ZDHHC14: variants seen among roughly 807,000 people sequenced by gnomAD.
The protein encoded by ZDHHC14 is zDHHC palmitoyltransferase 14, also known as palmitoyltransferase ZDHHC14.
ZDHHC14 carries 16 observed loss-of-function variants against 47.7 expected under a neutral mutation model. The observed-to-expected ratio is 0.34, with a 90% CI of 0.23 to 0.51. ZDHHC14 has a LOEUF of 0.51. ZDHHC14 is among the 20% of genes least tolerant of loss of function. ZDHHC14 has a pLI of 0.97. For missense variants in ZDHHC14, 515 were observed against 662.5 expected (o/e 0.78, Z 2.44); for synonymous variants, 293 against 278.9 (o/e 1.05, Z -0.50).
chr6:157,665,923 A>G (rs780258096), intron 8 of ZDHHC14, among the ~76,000 whole-genome samples: 4 of 152,218 alleles, frequency 2.6e-5, no homozygotes, highest in Admixed American at 6.5e-5. Flanking sequence ...CTGAACTCCT[A>G]TGAAATTTCA....
In ZDHHC14 at chr6:157,523,721, G is replaced by A. The variant is rs546978389; in HGVS notation, c.246-18864G>A. On this transcript the variant is annotated intron_variant, in intron 1 of 8. Coordinates refer to ENST00000359775, the MANE Select transcript of ZDHHC14 (RefSeq NM_024630.3). ...GACCAGTCTGGGCAACATAGACCTC[G>A]CTTATACAAAAAAAAAAAAAAGGAA... Among the ~76,000 whole-genome samples the A allele has an allele frequency of 1.4e-4, 21 of 148,302 alleles. No homozygotes were observed. The South Asian group carries it at 3.4e-3, about 24-fold the overall frequency.
intron 8 of ZDHHC14, among the ~76,000 whole-genome samples, chr6:157,658,571 G>A (rs1191451362): frequency 2.6e-5 from 4 of 152,280 alleles, no homozygotes; most frequent in South Asian, 4.1e-4. Context: ...GGGGCTATGC[G>A]CAGTCTGGCC....
rs1315636088 is a variant in ZDHHC14, at chr6:157,597,879, G to A, written c.565+4733G>A. ...TGGGTGCCACAAAGAACCTCCAGGCGCCCTCTGCAGGGACTCAGTGTCCAG... is the reference window on the plus strand; with the variant it reads ...TGGGTGCCACAAAGAACCTCCAGGCACCCTCTGCAGGGACTCAGTGTCCAG... On this transcript the variant is annotated intron_variant, in intron 3 of 8. Transcript: ENST00000359775. 2.6e-5 allele frequency among the ~76,000 whole-genome samples: 4 copies of A among 152,236 alleles called. No individual in the cohort carries two copies. The East Asian group carries it at 5.8e-4, about 22-fold the overall frequency.
At chr6:157,400,853 G>A (rs571849874) in intron 1 of ZDHHC14, among the ~76,000 whole-genome samples, 1 of 152,168 alleles carries the variant, frequency 6.6e-6, no homozygotes, top group African/African-American at 2.4e-5. Context: ...AGTGAGTGCC[G>A]GGCTCCCTGT....
At chr6:157,468,425 G>C (rs9347285) in intron 1 of ZDHHC14, among the ~76,000 whole-genome samples, 41,458 of 152,150 alleles carry the variant, frequency 0.27, 6,347 homozygotes, top group East Asian at 0.47. Flanking sequence ...CACAGCACAA[G>C]CCTTCCCCTT....
chr6:157,639,553 C>G (rs1363293665), intron 5 of ZDHHC14, among the ~76,000 whole-genome samples: 1 of 152,188 alleles, frequency 6.6e-6, no homozygotes, highest in Non-Finnish European at 1.5e-5. Context: ...TGATCCACCT[C>G]GGCCTCCCAA....
chr6:157,647,359 T>C lies in ZDHHC14; in HGVS notation c.956T>C (p.Ile319Thr). The change falls in exon 7 of 9, where the codon ATC becomes ACC. Residue 319 changes from isoleucine to threonine, a missense_variant. Ile to Thr is a moderately conservative substitution (Grantham distance 89, BLOSUM62 -1). Around this residue, in one of 4 missense-constraint regions of ZDHHC14, gnomAD observed 229 missense variants for 351.5 expected, o/e 0.65. Transcript: ENST00000359775. ...TGCTGTGTTGCCCTGTGTGGGCCCA[T>C]CTCACCAAGGTAAGACTCAGGACGC... ...TNCCVALCGPISPSLIDRRGY... is the reference protein window; with the variant it reads ...TNCCVALCGPTSPSLIDRRGY... 1 of 1,612,708 alleles carries C rather than the reference T, an allele frequency of 6.2e-7. No homozygotes were observed. Among genetic ancestry groups the C allele is most frequent in the Non-Finnish European group, 8.5e-7 (1 of 1,178,914 alleles).
intron 8 of ZDHHC14, among the ~76,000 whole-genome samples, chr6:157,660,888 A>G (rs1778317540): frequency 6.6e-6 from 1 of 152,250 alleles, no homozygotes; most frequent in African/African-American, 2.4e-5. Flanking sequence ...TCATTCAAGT[A>G]ATACATGGTC....
At chr6:157,507,896 G>A (rs538859237) in intron 1 of ZDHHC14, among the ~76,000 whole-genome samples, 1 of 152,304 alleles carries the variant, frequency 6.6e-6, no homozygotes, top group South Asian at 2.1e-4. Flanking sequence ...TCTTAAGGAA[G>A]CAATACCTTT....
chr6:157,474,111 C>T (rs1779422934), intron 1 of ZDHHC14, among the ~76,000 whole-genome samples: 1 of 151,946 alleles, frequency 6.6e-6, no homozygotes, highest in African/African-American at 2.4e-5. Flanking sequence ...GCTTCAGCCT[C>T]CCGAGTGGCT....
At position 157,563,614 on chromosome 6, in the gene ZDHHC14, A is replaced by G. The variant is rs547631927; in HGVS notation, c.406+20869A>G. Among the ~76,000 whole-genome samples the G allele has an allele frequency of 3.3e-5, 5 of 152,290 alleles. No homozygotes were observed. In the East Asian group the frequency reaches 9.7e-4, roughly 29 times the overall value. On this transcript the variant is annotated intron_variant, in intron 2 of 8. Coordinates refer to ENST00000359775, the MANE Select transcript of ZDHHC14 (RefSeq NM_024630.3). ...CCAGAACAAAGCTGGTCACTTCTTT[A>G]CATAGGATGTAAAAAAGATTGGAGT...
chr6:157,446,679 G>A (rs369426202), intron 1 of ZDHHC14, among the ~76,000 whole-genome samples: 24 of 151,950 alleles, frequency 1.6e-4, no homozygotes, highest in Non-Finnish European at 1.9e-4. Context: ...CAGAGTGTTC[G>A]GATTAGAGGC....
chr6:157,413,701 G>T (rs764709545), intron 1 of ZDHHC14, among the ~76,000 whole-genome samples: 3 of 150,620 alleles, frequency 2.0e-5, no homozygotes, highest in Non-Finnish European at 2.9e-5. Context: ...TCTTTTTTCC[G>T]TCTAAAGCCT....
intron 1 of ZDHHC14, among the ~76,000 whole-genome samples, chr6:157,391,717 T>G (rs1032772389): frequency 6.6e-6 from 1 of 152,220 alleles, no homozygotes; most frequent in African/African-American, 2.4e-5. Context: ...TTTTTTCTCT[T>G]GGGAAGGACT....
intron 2 of ZDHHC14, among the ~76,000 whole-genome samples, chr6:157,568,548 C>T (rs1375695560): frequency 6.6e-6 from 1 of 151,888 alleles, no homozygotes; most frequent in Non-Finnish European, 1.5e-5. Context: ...TAATAAATCC[C>T]GTCTTGTTGA....
chr6:157,620,360 T>C (rs1785140169), intron 3 of ZDHHC14, among the ~76,000 whole-genome samples: 1 of 152,192 alleles, frequency 6.6e-6, no homozygotes, highest in African/African-American at 2.4e-5. Context: ...TAATTACCTC[T>C]CAATTACCAT....
chr6:157,555,959 G>A (rs192933968), intron 2 of ZDHHC14, among the ~76,000 whole-genome samples: 503 of 152,268 alleles, frequency 3.3e-3, no homozygotes, highest in African/African-American at 0.011. Flanking sequence ...GATTAATCAC[G>A]GGAGGCCTCT....
intron 5 of ZDHHC14, among the ~76,000 whole-genome samples, chr6:157,639,652 C>A (rs1777152643): frequency 6.6e-6 from 1 of 152,132 alleles, no homozygotes; most frequent in Non-Finnish European, 1.5e-5. Context: ...CAGATGTTTG[C>A]AGAGGAAAGG....
At chr6:157,672,168 G>A (rs768568392) in intron 8 of ZDHHC14, among the ~76,000 whole-genome samples, 4 of 152,134 alleles carry the variant, frequency 2.6e-5, no homozygotes, top group Admixed American at 6.5e-5. Flanking sequence ...GGATGTGTCC[G>A]AATGCACTTC....
Sources: allele counts gnomAD v4.1 joint callset (sites outside exome capture counted in the v4.1 genomes callset), GRCh38; gene constraint gnomAD v4.1.1; regional missense constraint gnomAD v4.1.1; transcripts MANE v1.5; gene names NCBI Gene and HGNC (gene_info 2026-07-23, HGNC 2026-07-21).